The following BLTP1 variants were observed in gnomAD, a reference collection of about 807,000 sequenced individuals.
The protein encoded by BLTP1 is fragile site-associated protein.
chr4:122,228,667 AAAAT>A, the BLTP1 span, among the ~76,000 whole-genome samples: 14 of 152,194 alleles, frequency 9.2e-5, no homozygotes, highest in South Asian at 2.9e-3. Context: ...TTTTAGGAGT[AAAAT>A]AAAATTAATG....
At chr4:122,189,556 CTTATTAG>C in the BLTP1 span, 60 of 778,142 alleles carry the variant, frequency 7.7e-5, no homozygotes, top group Non-Finnish European at 8.3e-5. Flanking sequence ...TAAAATGATA[CTTATTAG>C]TTATTAATAT....
chr4:122,287,675 A>G, the BLTP1 span: 1 of 985,254 alleles, frequency 1.0e-6, no homozygotes, highest in Non-Finnish European at 1.2e-6. Context: ...TGATAGAAAT[A>G]TTATAACTGC....
the BLTP1 span, chr4:122,254,272 G>GT: frequency 6.2e-7 from 1 of 1,613,308 alleles, no homozygotes; most frequent in Non-Finnish European, 8.5e-7. Flanking sequence ...GTAGCATGAA[G>GT]TTGACCATTA....
the BLTP1 span, chr4:122,246,134 CACTT>C: frequency 9.7e-6 from 15 of 1,541,926 alleles, no homozygotes; most frequent in South Asian, 1.7e-4. Flanking sequence ...GAAATAATTT[CACTT>C]ACGATCTTTT....
At chr4:122,255,118 T>G in the BLTP1 span, 1 of 1,595,886 alleles carries the variant, frequency 6.3e-7, no homozygotes, top group East Asian at 2.2e-5. Context: ...CTATTGTTGT[T>G]TCTTGATTTT....
the BLTP1 span, chr4:122,207,123 C>G: frequency 6.3e-7 from 1 of 1,596,612 alleles, no homozygotes; most frequent in Non-Finnish European, 8.5e-7. Flanking sequence ...TAATTCAAGA[C>G]TGGTCTAGTG....
At chr4:122,271,032 A>C in the BLTP1 span, 9 of 1,600,168 alleles carry the variant, frequency 5.6e-6, no homozygotes, top group African/African-American at 8.1e-5. Flanking sequence ...GGCCATGTGA[A>C]TCTTCCTCCA....
At chr4:122,208,734 T>A in the BLTP1 span, 1 of 844,582 alleles carries the variant, frequency 1.2e-6, no homozygotes, top group Non-Finnish European at 1.4e-6. Context: ...ATTATTTACC[T>A]GACTGTCGAA....
the BLTP1 span, chr4:122,276,047 G>C: frequency 6.4e-7 from 1 of 1,555,898 alleles, no homozygotes; most frequent in Non-Finnish European, 8.7e-7. Flanking sequence ...TCTTTTTCAT[G>C]GCTTTGTAAT....
the BLTP1 span, chr4:122,220,462 A>T: frequency 6.2e-7 from 1 of 1,610,546 alleles, no homozygotes; most frequent in Non-Finnish European, 8.5e-7. Context: ...TGTCAGTGAT[A>T]ACTATCAGGT....
the BLTP1 span, among the ~76,000 whole-genome samples, chr4:122,190,806 C>T: frequency 1.3e-5 from 2 of 152,068 alleles, no homozygotes; most frequent in Admixed American, 6.6e-5. Context: ...CTAAAAGTAT[C>T]TAAACATTGG....
chr4:122,261,296 T>C, the BLTP1 span: 14 of 985,300 alleles, frequency 1.4e-5, no homozygotes, highest in East Asian at 6.8e-4. Context: ...TTCAACCTTC[T>C]GAATCATATT....
chr4:122,306,150 G>T, the BLTP1 span: 1 of 1,156,216 alleles, frequency 8.6e-7, no homozygotes, highest in Non-Finnish European at 1.2e-6. Flanking sequence ...ACAGCTAAAT[G>T]GTTCCTAAAT....
At chr4:122,187,982 C>A in the BLTP1 span, 1 of 1,597,054 alleles carries the variant, frequency 6.3e-7, no homozygotes, top group Non-Finnish European at 8.5e-7. Context: ...TACAAAACCA[C>A]CTTCAAGTCA....
At chr4:122,174,038 G>A in the BLTP1 span, among the ~76,000 whole-genome samples, 1 of 152,132 alleles carries the variant, frequency 6.6e-6, no homozygotes, top group Admixed American at 6.5e-5. Flanking sequence ...TAGGAAATTT[G>A]CAGGTAAATA....
chr4:122,185,522 T>C, the BLTP1 span: 1 of 741,812 alleles, frequency 1.3e-6, no homozygotes, highest in Non-Finnish European at 1.6e-6. Context: ...TAATTATGTC[T>C]TTTATTTGAG....
chr4:122,211,214 C>A, the BLTP1 span: 2 of 882,614 alleles, frequency 2.3e-6, no homozygotes, highest in Non-Finnish European at 3.4e-6. Context: ...TGAGGATATA[C>A]CAGATATGTT....
At chr4:122,196,474 G>A in the BLTP1 span, 1 of 175,330 alleles carries the variant, frequency 5.7e-6, no homozygotes, top group South Asian at 1.9e-4. Flanking sequence ...GAGTAATCAA[G>A]GCTCATTGAT....
chr4:122,196,195 A>G, the BLTP1 span, among the ~76,000 whole-genome samples: 1 of 152,168 alleles, frequency 6.6e-6, no homozygotes, highest in Non-Finnish European at 1.5e-5. Flanking sequence ...AGTGTTTTCC[A>G]TGTGTCTTAC....
Sources: allele counts gnomAD v4.1 joint callset (sites outside exome capture counted in the v4.1 genomes callset), GRCh38; gene constraint gnomAD v4.1.1; transcripts MANE v1.5; gene names NCBI Gene and HGNC (gene_info 2026-07-23, HGNC 2026-07-21).